The following BUB3 variants were observed in gnomAD, a reference collection of about 807,000 sequenced individuals.
BUB3 encodes mitotic checkpoint protein BUB3.
Under a neutral mutation model 39.9 loss-of-function variants are expected in BUB3, and 22 were observed. That is an observed-to-expected ratio of 0.55 (90% CI 0.39 to 0.79). The LOEUF (loss-of-function observed/expected upper bound fraction) is 0.79. Ranked by LOEUF, BUB3 falls within the 30% of genes least tolerant of loss-of-function variation. The pLI is 0.00. For synonymous variants in BUB3, 168 were observed against 155.1 expected, an observed-to-expected ratio of 1.08 and a Z score of -0.62; for missense variants, 303 against 415.4, an observed-to-expected ratio of 0.73 and a Z score of 2.35.
rs940510360 is a variant in BUB3, at chr10:123,164,965, G to C, written c.*1130G>C. ...TTTTAATTCTTTTGATACAGAGAAG[G>C]GTCTTTTTTTTTTTAAGTATTTCAG... On this transcript the variant is annotated 3_prime_UTR_variant, in exon 8 of 8. Coordinates refer to ENST00000368865, the MANE Select transcript of BUB3 (RefSeq NM_004725.4). The C allele has an allele frequency of 9.3e-6, 14 of 1,511,742 alleles. No homozygotes were observed. The highest frequency in any genetic ancestry group is 7.9e-6 in the Non-Finnish European group (9 of 1,145,324). 93.6% of individuals were successfully genotyped at this position (1,511,742 alleles called of 1,614,324 possible). A position where few individuals can be genotyped will look rare whatever the true frequency, so the allele number is the denominator to read the frequency against.
intron 5 of BUB3, among the ~76,000 whole-genome samples, chr10:123,161,350 C>T (rs934220444): frequency 6.6e-6 from 1 of 152,148 alleles, no homozygotes; most frequent in African/African-American, 2.4e-5. Context: ...AGGCCAGTAC[C>T]TCAAATGGTG....
intron 6 of BUB3, 94 bp downstream of exon 6, chr10:123,162,507 T>C: frequency 3.9e-6 from 6 of 1,554,570 alleles, no homozygotes; most frequent in Non-Finnish European, 5.2e-6. Flanking sequence ...TACAGTGCTT[T>C]AGGGAAATGT....
At chr10:123,163,799 T>G in intron 7 of BUB3, 21 bp from the exon 8 acceptor site, 1 of 1,599,606 alleles carries the variant, frequency 6.3e-7, no homozygotes, top group Non-Finnish European at 8.6e-7. Context: ...ATGCTGTTCT[T>G]TTTTTCTTTT....
chr10:123,155,745 T>C lies in BUB3; in HGVS notation c.265+18T>C, dbSNP rs368326414. Reference sequence around the variant, plus strand: ...TGATCAAGGTAATGTGACCATATCTTTACCAGTTTGTTTTCTTGGCTAGTG... The same window carrying C: ...TGATCAAGGTAATGTGACCATATCTCTACCAGTTTGTTTTCTTGGCTAGTG... On this transcript the variant is annotated intron_variant, in intron 3 of 7. Transcript: ENST00000368865. The C allele has an allele frequency of 1.7e-5, 28 of 1,611,506 alleles. No individual in the cohort carries two copies. Among genetic ancestry groups the C allele is most frequent in the Non-Finnish European group, 2.2e-5 (26 of 1,177,616 alleles).
rs1438737057 is a variant in BUB3 at position 123,165,728 on chromosome 10, GT to G, written c.*1895del. 6.6e-6 allele frequency: 1 copy of G among 152,070 alleles called. No individual in the cohort carries two copies. The highest frequency in any genetic ancestry group is 1.5e-5 in the Non-Finnish European group (1 of 68,074). 9.4% of individuals were successfully genotyped at this position (152,070 alleles called of 1,614,324 possible). A position where few individuals can be genotyped will look rare whatever the true frequency, so the allele number is the denominator to read the frequency against. On this transcript the variant is annotated 3_prime_UTR_variant, in exon 8 of 8. Transcript: ENST00000368865. ...GCTTAGGTAGCTTGTGCATCCCCGT[GT>G]TGATGTAGTCATAGTCCACACAGAG...
In BUB3 at chr10:123,167,926, A is replaced by T. The variant is rs1311483153; in HGVS notation, c.*4091A>T. ...GAGTTAAACAAATTTACAAGTTGAC[A>T]AATTACATTTACAAATTTATGTAAT... On this transcript the variant is annotated 3_prime_UTR_variant, in exon 8 of 8. Coordinates refer to ENST00000368865, the MANE Select transcript of BUB3 (RefSeq NM_004725.4). 6.6e-6 allele frequency: 1 copy of T among 152,214 alleles called. No individual in the cohort carries two copies. Among genetic ancestry groups the T allele is most frequent in the African/African-American group, 2.4e-5 (1 of 41,464 alleles). The allele number at this position is 152,214 out of a possible 1,614,324, so 9.4% of individuals were successfully genotyped here.
chr10:123,169,277 A>G lies in BUB3; in HGVS notation c.*5442A>G, dbSNP rs1366330337. On this transcript the variant is annotated 3_prime_UTR_variant, in exon 8 of 8. Coordinates refer to ENST00000368865, the MANE Select transcript of BUB3 (RefSeq NM_004725.4). ...AAAATTTGGATCATATTACATAAAT[A>G]TCTTGCTTCATGCACTTAATATGAA... The G allele has an allele frequency of 2.0e-5, 3 of 152,248 alleles. No homozygotes were observed. Among genetic ancestry groups the G allele is most frequent in the African/African-American group, 7.2e-5 (3 of 41,472 alleles). The allele number at this position is 152,248 out of a possible 1,614,324, so 9.4% of individuals were successfully genotyped here.
chr10:123,160,655 C>CT (rs913714695), intron 5 of BUB3, 90 bp downstream of exon 5: 74,157 of 899,426 alleles, frequency 0.082, no homozygotes, highest in Middle Eastern at 0.11. Context: ...CTAAAGCCTT[C>CT]TTTTTTTTTT....
Position 123,167,311 on chromosome 10 carries a change from C to CCTG in BUB3, c.*3478_*3480dup, listed in dbSNP as rs1402534368. 6.6e-6 allele frequency: 1 copy of CCTG among 152,180 alleles called. No homozygotes were observed. The highest frequency in any genetic ancestry group is 1.9e-4 in the East Asian group (1 of 5,198). The allele number at this position is 152,180 out of a possible 1,614,324, so 9.4% of individuals were successfully genotyped here. On this transcript the variant is annotated 3_prime_UTR_variant, in exon 8 of 8. Transcript: ENST00000368865. ...TGCTCTTTCAGGATTTAATTTGAAT[C>CCTG]CTGCAAAGTCCTGTTCAAGGCCCCC... is the stretch of plus-strand genomic sequence containing the variant.
intron 3 of BUB3, among the ~76,000 whole-genome samples, chr10:123,156,764 T>TTTTTTTTTTTTTA (rs1292863652): frequency 1.3e-5 from 2 of 151,652 alleles, no homozygotes; most frequent in African/African-American, 4.9e-5. Context: ...TTTTTTTTTT[T>TTTTTTTTTTTTTA]GAGCTAGAGT....
Position 123,165,070 on chromosome 10 carries a change from G to A in BUB3, c.*1235G>A. On this transcript the variant is annotated 3_prime_UTR_variant, in exon 8 of 8. Coordinates refer to ENST00000368865, the MANE Select transcript of BUB3 (RefSeq NM_004725.4). ...AGGTCCACCTAATCATCCTGTGAAA[G>A]TGGTTTCTCTATGGAAAGCTTTGTT... is the stretch of plus-strand genomic sequence containing the variant. The A allele has an allele frequency of 6.2e-7, 1 of 1,611,618 alleles. No individual in the cohort carries two copies. The highest frequency in any genetic ancestry group is 1.3e-5 in the African/African-American group (1 of 74,940).
At chr10:123,160,983 C>G (rs1844414782) in intron 5 of BUB3, among the ~76,000 whole-genome samples, 1 of 151,860 alleles carries the variant, frequency 6.6e-6, no homozygotes, top group Admixed American at 6.6e-5. Flanking sequence ...TTTTTGTAAC[C>G]CTAATGCTTA....
At chr10:123,161,457 A>T (rs1416665078) in intron 5 of BUB3, among the ~76,000 whole-genome samples, 1 of 152,180 alleles carries the variant, frequency 6.6e-6, no homozygotes, top group Non-Finnish European at 1.5e-5. Context: ...TGTGATTAAA[A>T]TATGCTTACA....
In BUB3 at chr10:123,165,101, C is replaced by G. The variant is rs1213280307; in HGVS notation, c.*1266C>G. ...TCTCTATGGAAAGCTTTGTTTGCTT[C>G]CTACAAATACATGCTTATTCCTTAA... On this transcript the variant is annotated 3_prime_UTR_variant, in exon 8 of 8. Transcript: ENST00000368865. The G allele has an allele frequency of 1.3e-6, 2 of 1,575,232 alleles. No homozygotes were observed. The highest frequency in any genetic ancestry group is 3.3e-5 in the Admixed American group (2 of 59,770).
intron 2 of BUB3, 29 bp downstream of exon 2, chr10:123,155,141 C>G: frequency 1.2e-6 from 2 of 1,605,544 alleles, no homozygotes; most frequent in Non-Finnish European, 1.7e-6. Flanking sequence ...TGCTCCTGCC[C>G]TCTTACTGTG....
Position 123,167,960 on chromosome 10 carries a change from CTTTTT to C in BUB3, c.*4132_*4136del, listed in dbSNP as rs72245871. On this transcript the variant is annotated 3_prime_UTR_variant, in exon 8 of 8. Coordinates refer to ENST00000368865, the MANE Select transcript of BUB3 (RefSeq NM_004725.4). The stretch of plus-strand genomic sequence containing the variant: ...TTACAAATTTATGTAATTTTTTACG[CTTTTT>C]TTTTTTCTCCTTTTTCTGGAGAACG... The C allele has an allele frequency of 6.8e-6, 1 of 146,752 alleles. No homozygotes were observed. The highest frequency in any genetic ancestry group is 1.5e-5 in the Non-Finnish European group (1 of 66,212). The allele number at this position is 146,752 out of a possible 1,614,324, so 9.1% of individuals were successfully genotyped here.
chr10:123,161,445 T>TA (rs1163372746), intron 5 of BUB3, among the ~76,000 whole-genome samples: 2 of 152,208 alleles, frequency 1.3e-5, no homozygotes, highest in Non-Finnish European at 2.9e-5. Flanking sequence ...GAGATTTAGA[T>TA]ATGTGATTAA....
In BUB3 at chr10:123,160,615, CTTATA is replaced by C. The variant is rs774783997; in HGVS notation, c.576+56_576+60del. 1.5e-5 allele frequency: 21 copies of C among 1,412,754 alleles called. No homozygotes were observed. The South Asian group carries it at 2.9e-4, about 20-fold the overall frequency. 87.5% of individuals were successfully genotyped at this position (1,412,754 alleles called of 1,614,324 possible). A position where few individuals can be genotyped will look rare whatever the true frequency, so the allele number is the denominator to read the frequency against. On this transcript the variant is annotated intron_variant, in intron 5 of 7. Transcript: ENST00000368865. ...TTCTGGAATTTGAAAATAATATGAT[CTTATA>C]TTATAATGATTTGGCCACTAGCCCC...
rs1420853075 is a variant in BUB3, at chr10:123,160,567, T to C, written c.576+2T>C. On this transcript the variant is annotated splice_donor_variant, in intron 5 of 7. Coordinates refer to ENST00000368865, the MANE Select transcript of BUB3 (RefSeq NM_004725.4). LOFTEE classifies it high-confidence loss of function. ...ATACGAGCGTTTCCAAACAAGCAGG[T>C]ATTGAACTATACCTCCTCTTCTTTC... is the stretch of plus-strand genomic sequence containing the variant. 1 of 1,581,526 alleles carries C rather than the reference T, an allele frequency of 6.3e-7. No individual in the cohort carries two copies. Among genetic ancestry groups the C allele is most frequent in the African/African-American group, 1.4e-5 (1 of 73,344 alleles).
Sources: gnomAD v4.1 joint callset for allele counts (sites outside exome capture counted in the v4.1 genomes callset) on GRCh38, gnomAD v4.1.1 for gene constraint, MANE v1.5 for transcripts, NCBI Gene and HGNC (gene_info 2026-07-23, HGNC 2026-07-21) for gene names.